Variants in BBS9 observed in about 807,000 individuals in gnomAD.
BBS9 encodes Bardet-Biedl syndrome 9.
A neutral mutation model predicts 117.7 loss-of-function variants in BBS9; 89 were observed. That is an observed-to-expected ratio of 0.76 (90% CI 0.64 to 0.90). BBS9 has a LOEUF of 0.90. BBS9 is among the 40% of genes least tolerant of loss of function. The pLI is 0.00. For missense variants in BBS9, 982 were observed against 1,042.2 expected (o/e 0.94, Z 0.80); for synonymous variants, 379 against 370.9 (o/e 1.02, Z -0.25).
intron 19 of BBS9, among the ~76,000 whole-genome samples, chr7:33,413,620 C>G (rs1831501176): frequency 6.6e-6 from 1 of 151,970 alleles, no homozygotes; most frequent in Admixed American, 6.5e-5. Flanking sequence ...ACAAGACCAC[C>G]TAGCACAGCT....
intron 1 of BBS9, among the ~76,000 whole-genome samples, chr7:33,145,151 A>T (rs1792130096): frequency 6.6e-6 from 1 of 152,196 alleles, no homozygotes; most frequent in Non-Finnish European, 1.5e-5. Context: ...ATGGTTCAGT[A>T]TTTGCTAATT....
chr7:33,213,780 A>G (rs1788513588), intron 5 of BBS9, among the ~76,000 whole-genome samples: 1 of 152,030 alleles, frequency 6.6e-6, no homozygotes, highest in Admixed American at 6.6e-5. Flanking sequence ...GTCATTTGGG[A>G]GCTAGGTCCT....
At chr7:33,566,704 G>A (rs1332482428) in intron 21 of BBS9, among the ~76,000 whole-genome samples, 2 of 151,896 alleles carry the variant, frequency 1.3e-5, no homozygotes, top group Admixed American at 1.3e-4. Flanking sequence ...AGTCATTACT[G>A]TATGTATACA....
At chr7:33,248,747 G>T (rs905556915) in intron 5 of BBS9, among the ~76,000 whole-genome samples, 2 of 151,902 alleles carry the variant, frequency 1.3e-5, no homozygotes, top group East Asian at 1.9e-4. Context: ...TTTTTTTTCC[G>T]TGCATGCGTA....
At chr7:33,279,665 C>A (rs1801445633) in intron 9 of BBS9, among the ~76,000 whole-genome samples, 1 of 152,138 alleles carries the variant, frequency 6.6e-6, no homozygotes, top group Non-Finnish European at 1.5e-5. Flanking sequence ...TCCTCTCTAC[C>A]TTGTTTATTA....
At position 33,420,066 on chromosome 7, in the gene BBS9, A is replaced by G. The variant is rs544583853; in HGVS notation, c.2115+31922A>G. ...CCTCAAATATTCAATGACCTGCCCAAAGTTCTGCGTTATTAATAACTGAGA... is the reference window on the plus strand; with the variant it reads ...CCTCAAATATTCAATGACCTGCCCAGAGTTCTGCGTTATTAATAACTGAGA... On this transcript the variant is annotated intron_variant, in intron 19 of 22. Coordinates refer to ENST00000242067, the MANE Select transcript of BBS9 (RefSeq NM_198428.3). Among the ~76,000 whole-genome samples the G allele has an allele frequency of 3.3e-5, 5 of 152,274 alleles. No individual in the cohort carries two copies. In the South Asian group the frequency reaches 6.2e-4, roughly 19 times the overall value.
At chr7:33,473,984 A>G (rs1233629281) in intron 19 of BBS9, among the ~76,000 whole-genome samples, 1 of 152,206 alleles carries the variant, frequency 6.6e-6, no homozygotes, top group East Asian at 1.9e-4. Flanking sequence ...GTGGAAAATG[A>G]GGTTGTTTAC....
At chr7:33,478,230 C>T (rs759153817) in intron 19 of BBS9, among the ~76,000 whole-genome samples, 1 of 152,064 alleles carries the variant, frequency 6.6e-6, no homozygotes, top group South Asian at 2.1e-4. Flanking sequence ...TGGGCTCTTT[C>T]CTCTAGAAAA....
intron 19 of BBS9, among the ~76,000 whole-genome samples, chr7:33,472,588 A>AT (rs1841204312): frequency 6.6e-6 from 1 of 152,202 alleles, no homozygotes; most frequent in South Asian, 2.1e-4. Context: ...GGCTGTCCCT[A>AT]GCAGGCCTGG....
At chr7:33,512,012 C>G (rs187063112) in intron 20 of BBS9, among the ~76,000 whole-genome samples, 1 of 152,256 alleles carries the variant, frequency 6.6e-6, no homozygotes, top group Non-Finnish European at 1.5e-5. Flanking sequence ...AAAGTATCAT[C>G]CCAATTATAA....
chr7:33,147,363 G>A (rs1284416547), intron 2 of BBS9, among the ~76,000 whole-genome samples: 1 of 151,692 alleles, frequency 6.6e-6, no homozygotes, highest in African/African-American at 2.4e-5. Flanking sequence ...TTTAAAAATT[G>A]TTTTTCTTGC....
intron 16 of BBS9, among the ~76,000 whole-genome samples, chr7:33,367,489 A>C (rs886363498): frequency 6.6e-6 from 1 of 152,170 alleles, no homozygotes; most frequent in African/African-American, 2.4e-5. Context: ...TGGCATGAAA[A>C]GATATTCTAA....
chr7:33,249,739 G>A (rs1027173137), intron 5 of BBS9, among the ~76,000 whole-genome samples: 2 of 152,026 alleles, frequency 1.3e-5, no homozygotes, highest in Admixed American at 1.3e-4. Context: ...TATGGTTTAA[G>A]CATAATTTTT....
chr7:33,515,353 A>T (rs1323996155), intron 20 of BBS9, among the ~76,000 whole-genome samples: 1 of 149,740 alleles, frequency 6.7e-6, no homozygotes, highest in Non-Finnish European at 1.5e-5. Context: ...TCATTAAACT[A>T]CAGCTCATCG....
At chr7:33,242,136 A>G (rs1250123037) in intron 5 of BBS9, among the ~76,000 whole-genome samples, 1 of 152,144 alleles carries the variant, frequency 6.6e-6, no homozygotes, top group East Asian at 1.9e-4. Context: ...GGGTCGTCCA[A>G]TAGAATGAAT....
chr7:33,178,512 C>T (rs1350903341), intron 5 of BBS9, among the ~76,000 whole-genome samples: 1 of 152,114 alleles, frequency 6.6e-6, no homozygotes, highest in Non-Finnish European at 1.5e-5. Context: ...TGCACCGTGA[C>T]AGGGTAGTAG....
chr7:33,158,984 G>A (rs1357701627), intron 4 of BBS9, among the ~76,000 whole-genome samples: 1 of 150,408 alleles, frequency 6.6e-6, no homozygotes, highest in Non-Finnish European at 1.5e-5. Flanking sequence ...AAACGGTCAG[G>A]TTGGTTACAG....
chr7:33,171,604 A>C (rs2128147597), intron 4 of BBS9, among the ~76,000 whole-genome samples: 1 of 152,312 alleles, frequency 6.6e-6, no homozygotes, highest in South Asian at 2.1e-4. Flanking sequence ...GTTTTTAGAA[A>C]GATTTTTCTT....
intron 21 of BBS9, among the ~76,000 whole-genome samples, chr7:33,574,854 T>A (rs1858518868): frequency 6.6e-6 from 1 of 152,138 alleles, no homozygotes; most frequent in African/African-American, 2.4e-5. Context: ...GAAGACATTT[T>A]AAAACTTTTT....
Sources: allele counts gnomAD v4.1 joint callset (sites outside exome capture counted in the v4.1 genomes callset), GRCh38; gene constraint gnomAD v4.1.1; transcripts MANE v1.5; gene names NCBI Gene and HGNC (gene_info 2026-07-23, HGNC 2026-07-21).